Variants in GPM6B observed in about 807,000 individuals in gnomAD.
The protein encoded by GPM6B is neuronal membrane glycoprotein M6-b.
GPM6B carries 4 observed loss-of-function variants against 27.2 expected under a neutral mutation model. The observed-to-expected ratio is 0.15, with a 90% CI of 0.07 to 0.34. The LOEUF is 0.34. Among genes scored for constraint, GPM6B ranks in the 10% least tolerant of loss-of-function variants. GPM6B has a pLI of 1.00. For missense variants in GPM6B, 183 were observed against 261.9 expected, an observed-to-expected ratio of 0.70 and a Z score of 2.08; for synonymous variants, 124 against 103.1, an observed-to-expected ratio of 1.20 and a Z score of -1.23.
intron 1 of GPM6B, among the ~76,000 whole-genome samples, chrX:13,826,071 G>T (rs1422938078): frequency 8.9e-6 from 1 of 111,884 alleles, no homozygotes; most frequent in Non-Finnish European, 1.9e-5. Context: ...CCAGCATTGA[G>T]AAGGGTACAT....
chrX:13,938,490 C>T (rs749014438), upstream of GPM6B: 3 of 944,396 alleles, frequency 3.2e-6, no homozygotes, highest in Non-Finnish European at 4.0e-6. Flanking sequence ...TGGCGCGCAG[C>T]CAGCGCGCTC....
At chrX:13,866,662 A>G (rs936534287) in intron 1 of GPM6B, among the ~76,000 whole-genome samples, 2 of 111,362 alleles carry the variant, frequency 1.8e-5, no homozygotes, top group African/African-American at 3.3e-5. Context: ...TTTAAAATAT[A>G]TATCTATTTT....
At chrX:13,828,652 C>T (rs2049404524) in intron 1 of GPM6B, among the ~76,000 whole-genome samples, 2 of 111,122 alleles carry the variant, frequency 1.8e-5, no homozygotes, top group Admixed American at 9.6e-5. Flanking sequence ...TGCTACAGGC[C>T]AAGGTGCTGG....
intron 1 of GPM6B, among the ~76,000 whole-genome samples, chrX:13,910,943 T>G (rs1451236039): frequency 8.9e-6 from 1 of 112,267 alleles, no homozygotes; most frequent in African/African-American, 3.2e-5. Flanking sequence ...CCTTATACTC[T>G]TCAATGGATG....
chrX:13,844,118 T>C (rs755240821), intron 1 of GPM6B, among the ~76,000 whole-genome samples: 1 of 112,429 alleles, frequency 8.9e-6, no homozygotes, highest in South Asian at 3.7e-4. Context: ...TACATGTGGA[T>C]ATCCAATTGT....
At chrX:13,857,523 G>A (rs976317392) in intron 1 of GPM6B, among the ~76,000 whole-genome samples, 4 of 112,271 alleles carry the variant, frequency 3.6e-5, no homozygotes, top group Admixed American at 2.8e-4. Context: ...AGATCTGGAA[G>A]AAACTTTGAT....
At chrX:13,864,914 CATACA>C (rs2049892314) in intron 1 of GPM6B, among the ~76,000 whole-genome samples, 1 of 112,057 alleles carries the variant, frequency 8.9e-6, no homozygotes, top group South Asian at 3.7e-4. Context: ...CCTGTATATA[CATACA>C]ATAAAGTTTC....
At chrX:13,786,701 A>G (rs979063279) in intron 2 of GPM6B, among the ~76,000 whole-genome samples, 2 of 111,300 alleles carry the variant, frequency 1.8e-5, no homozygotes, top group Non-Finnish European at 3.8e-5. Context: ...ATGAACATCC[A>G]TGAAGTGGAA....
At chrX:13,879,199 A>G (rs2050070355) in intron 1 of GPM6B, among the ~76,000 whole-genome samples, 1 of 111,920 alleles carries the variant, frequency 8.9e-6, no homozygotes, top group Admixed American at 9.5e-5. Flanking sequence ...CTCCCCCAAC[A>G]AGTAGATATA....
intron 1 of GPM6B, among the ~76,000 whole-genome samples, chrX:13,895,592 C>T (rs2050225300): frequency 9.0e-6 from 1 of 111,495 alleles, no homozygotes; most frequent in Non-Finnish European, 1.9e-5. Flanking sequence ...TATAGGTATT[C>T]AACAGTAAAG....
intron 1 of GPM6B, among the ~76,000 whole-genome samples, chrX:13,834,688 T>C (rs1259938473): frequency 9.0e-6 from 1 of 111,580 alleles, no homozygotes; most frequent in African/African-American, 3.3e-5. Flanking sequence ...AGATGGATAA[T>C]GGTCACCTGC....
intron 1 of GPM6B, among the ~76,000 whole-genome samples, chrX:13,907,982 AAAAAGTC>A (rs2050345148): frequency 8.9e-6 from 1 of 112,206 alleles, no homozygotes; most frequent in Admixed American, 9.5e-5. Flanking sequence ...AATTACATGT[AAAAAGTC>A]AAAAGCACAG....
intron 1 of GPM6B, among the ~76,000 whole-genome samples, chrX:13,935,793 A>G (rs773183883): frequency 4.7e-4 from 53 of 112,286 alleles, no homozygotes; most frequent in Admixed American, 4.7e-4. Flanking sequence ...ACTCTCACTC[A>G]CCTTCACAAT....
At chrX:13,843,107 C>A (rs894504917) in intron 1 of GPM6B, among the ~76,000 whole-genome samples, 1 of 111,782 alleles carries the variant, frequency 8.9e-6, no homozygotes, top group African/African-American at 3.3e-5. Context: ...ACCCTACCCT[C>A]ACCCCTCAAC....
At chrX:13,885,817 G>A (rs1397723190) in intron 1 of GPM6B, among the ~76,000 whole-genome samples, 3 of 111,833 alleles carry the variant, frequency 2.7e-5, no homozygotes, top group Non-Finnish European at 3.8e-5. Context: ...AAGAATGAGC[G>A]GAGAAGCAAA....
chrX:13,791,012 T>C (rs1335905294), intron 2 of GPM6B, among the ~76,000 whole-genome samples: 3 of 112,011 alleles, frequency 2.7e-5, no homozygotes, highest in Non-Finnish European at 5.6e-5. Flanking sequence ...CAGAACACCA[T>C]GCTGTTAAAA....
At chrX:13,782,989 G>A (rs1171262883) in intron 4 of GPM6B, among the ~76,000 whole-genome samples, 3 of 111,375 alleles carry the variant, frequency 2.7e-5, no homozygotes, top group South Asian at 3.7e-4. Context: ...GGATCAGGAC[G>A]ATTTTCCATG....
chrX:13,817,694 G>C (rs752258827), upstream of GPM6B, among the ~76,000 whole-genome samples: 2 of 111,883 alleles, frequency 1.8e-5, no homozygotes, highest in Non-Finnish European at 3.8e-5. Flanking sequence ...AATTAAAGAG[G>C]GGGAGAAAAT....
At chrX:13,845,031 C>T (rs1218785071) in intron 1 of GPM6B, among the ~76,000 whole-genome samples, 1 of 106,382 alleles carries the variant, frequency 9.4e-6, no homozygotes, top group African/African-American at 3.5e-5. Flanking sequence ...GCTCTGTTGC[C>T]CAGGCTGGAG....
Sources: allele counts gnomAD v4.1 joint callset (sites outside exome capture counted in the v4.1 genomes callset), GRCh38; gene constraint gnomAD v4.1.1; transcripts MANE v1.5; gene names NCBI Gene and HGNC (gene_info 2026-07-23, HGNC 2026-07-21).